DDX46: variants seen among roughly 807,000 people sequenced by gnomAD.
DDX46 encodes probable ATP-dependent RNA helicase DDX46.
DDX46 carries 30 observed loss-of-function variants against 134.9 expected under a neutral mutation model. That is an observed-to-expected ratio of 0.22 (90% confidence interval 0.17 to 0.30). The LOEUF is 0.30. Ranked by LOEUF, DDX46 falls within the 10% of genes least tolerant of loss-of-function variation. DDX46 has a pLI of 1.00. For missense variants in DDX46, 622 were observed against 1,248.7 expected, an observed-to-expected ratio of 0.50 and a Z score of 7.56; for synonymous variants, 415 against 404.1, an observed-to-expected ratio of 1.03 and a Z score of -0.32.
intron 15 of DDX46, among the ~76,000 whole-genome samples, chr5:134,798,134 G>C (rs1465063042): frequency 6.7e-6 from 1 of 150,212 alleles, no homozygotes; most frequent in Non-Finnish European, 1.5e-5. Flanking sequence ...TTTTGTGTGT[G>C]GTAAATACTC....
At chr5:134,797,188 A>AAAAAAAAAAAC (rs1561865691) in intron 15 of DDX46, 5 of 287,060 alleles carry the variant, frequency 1.7e-5, no homozygotes, top group East Asian at 1.2e-4. Context: ...AAAAAAAAAA[A>AAAAAAAAAAAC]AAAAAAAAAC....
At chr5:134,797,176 A>AAAAAAAAAAAAAAAAC in intron 15 of DDX46, 1 of 278,138 alleles carries the variant, frequency 3.6e-6, no homozygotes, top group East Asian at 1.2e-4. Flanking sequence ...TCAAAAAAAA[A>AAAAAAAAAAAAAAAAC]AAAAAAAAAA....
intron 3 of DDX46, 61 bp downstream of exon 3, chr5:134,767,121 CCTT>C: frequency 6.7e-7 from 1 of 1,493,812 alleles, no homozygotes; most frequent in Non-Finnish European, 8.9e-7. Context: ...CTTCTCTGCG[CCTT>C]TTTTTTTTTT....
rs1755297672 is a variant in DDX46, at chr5:134,816,765, G to T, written c.2613+159G>T. 8.1e-6 allele frequency: 6 copies of T among 738,472 alleles called. No homozygotes were observed. In the Admixed American group the frequency reaches 1.6e-4, roughly 19 times the overall value. The allele number at this position is 738,472 out of a possible 1,614,324, so 45.7% of individuals were successfully genotyped here. A position where few individuals can be genotyped will look rare whatever the true frequency, so the allele number is the denominator to read the frequency against. Reference sequence around the variant, plus strand: ...CAGAATTTTTTGATAATTGCATTTGGATGATTTCTCAGTGCTATTGACTGA... The same window carrying T: ...CAGAATTTTTTGATAATTGCATTTGTATGATTTCTCAGTGCTATTGACTGA... On this transcript the variant is annotated intron_variant, in intron 19 of 22. Transcript: ENST00000452510.
At chr5:134,797,323 C>T (rs1754696415) in intron 15 of DDX46, 1 of 206,682 alleles carries the variant, frequency 4.8e-6, no homozygotes, top group Admixed American at 5.7e-5. Context: ...GCTTATGAAT[C>T]TTCAATTTGC....
chr5:134,774,107 ACT>A (rs1208744137), intron 5 of DDX46, among the ~76,000 whole-genome samples: 2 of 151,844 alleles, frequency 1.3e-5, no homozygotes, highest in Non-Finnish European at 2.9e-5. Context: ...CTTTTAAATA[ACT>A]CTATGACGCC....
At chr5:134,818,818 C>A in intron 20 of DDX46, 42 bp from the exon 21 acceptor site, 1 of 1,560,400 alleles carries the variant, frequency 6.4e-7, no homozygotes, top group East Asian at 2.3e-5. Context: ...TTTTTTTGTC[C>A]TGTTATGAAG....
At position 134,818,847 on chromosome 5, in the gene DDX46, C is replaced by A. The variant is rs370801184; in HGVS notation, c.2833-13C>A. The A allele has an allele frequency of 6.9e-5, 111 of 1,598,634 alleles. No homozygotes were observed. Among genetic ancestry groups the A allele is most frequent in the Non-Finnish European group, 8.6e-5 (101 of 1,174,492 alleles). ...TATGAAGTGATTTTTCTTTTCCTTA[C>A]CTTTTCTTTTAGACTGCTAGGTGGA... On this transcript the variant is annotated splice_polypyrimidine_tract_variant and intron_variant, in intron 20 of 22. Coordinates refer to ENST00000452510, the MANE Select transcript of DDX46 (RefSeq NM_001300860.2).
At chr5:134,828,593 CGTTTTTTTTTTTT>C in intron 22 of DDX46, 53 bp from the exon 23 acceptor site, 3 of 880,434 alleles carry the variant, frequency 3.4e-6, no homozygotes, top group South Asian at 3.0e-5. Context: ...TTGGTTGGTT[CGTTTTTTTTTTTT>C]GTTTTTTTTG....
At chr5:134,774,360 C>T (rs933067364) in intron 5 of DDX46, among the ~76,000 whole-genome samples, 3 of 151,960 alleles carry the variant, frequency 2.0e-5, no homozygotes, top group Non-Finnish European at 4.4e-5. Context: ...ATTCACCTGC[C>T]ATTGGATAAT....
intron 9 of DDX46, among the ~76,000 whole-genome samples, chr5:134,783,639 T>C: frequency 7.5e-6 from 1 of 133,142 alleles, no homozygotes; most frequent in Non-Finnish European, 1.6e-5. Flanking sequence ...AACCTCCGCC[T>C]CTTGGGTTCA....
rs181699763 is a variant in DDX46, at chr5:134,795,204, G to T, written c.1791+190G>T. 7.6e-3 allele frequency among the ~76,000 whole-genome samples: 952 copies of T among 125,662 alleles called. 9 individuals are homozygous for T. Among genetic ancestry groups the T allele is most frequent in the East Asian group, 0.046 (182 of 3,942 alleles). 82.4% of individuals were successfully genotyped at this position (125,662 alleles called of 152,430 possible). On this transcript the variant is annotated intron_variant, in intron 14 of 22. Transcript: ENST00000452510. Reference sequence around the variant, plus strand: ...TTCCACGGAGCTATTTAAAATGCTTGTTTTTTTTTTTTTTTGTTTTTTTTT... The same window carrying T: ...TTCCACGGAGCTATTTAAAATGCTTTTTTTTTTTTTTTTTTGTTTTTTTTT...
At chr5:134,795,548 T>C (rs1339838951) in intron 14 of DDX46, among the ~76,000 whole-genome samples, 2 of 152,050 alleles carry the variant, frequency 1.3e-5, no homozygotes, top group African/African-American at 2.4e-5. Context: ...TGGTGAGTGG[T>C]GAATGGTGAG....
intron 3 of DDX46, 75 bp downstream of exon 3, chr5:134,767,135 C>G: frequency 6.9e-7 from 1 of 1,440,100 alleles, no homozygotes; most frequent in Non-Finnish European, 9.3e-7. Flanking sequence ...TTTTTTTTTT[C>G]CCTGTAAGTT....
rs184976178 is a variant in DDX46, at chr5:134,771,000, G to A, written c.447+1G>A. On this transcript the variant is annotated splice_donor_variant, in intron 4 of 22. Transcript: ENST00000452510. LOFTEE classifies it high-confidence loss of function. ...GGATGAAAAAGAAAAAGATGCTGGC[G>A]TATGTTTATTAACTTAAAAATAATT... 8.7e-7 allele frequency: 1 copy of A among 1,145,910 alleles called. No individual in the cohort carries two copies. The highest frequency in any genetic ancestry group is 1.3e-6 in the Non-Finnish European group (1 of 779,636). The allele number at this position is 1,145,910 out of a possible 1,614,324, so 71.0% of individuals were successfully genotyped here.
At chr5:134,764,211 C>A in intron 2 of DDX46, 119 bp downstream of exon 2, 1 of 888,146 alleles carries the variant, frequency 1.1e-6, no homozygotes, top group Non-Finnish European at 1.7e-6. Flanking sequence ...AGGCCCTTTT[C>A]TTTATCCCCT....
At chr5:134,822,149 G>A (rs1416897539) in intron 21 of DDX46, among the ~76,000 whole-genome samples, 1 of 152,158 alleles carries the variant, frequency 6.6e-6, no homozygotes, top group African/African-American at 2.4e-5. Flanking sequence ...AAAGTGCAGG[G>A]ATTACAGGCC....
intron 15 of DDX46, among the ~76,000 whole-genome samples, chr5:134,805,532 C>CTTT (rs554379717): frequency 4.4e-5 from 6 of 137,910 alleles, no homozygotes; most frequent in African/African-American, 1.6e-4. Flanking sequence ...CTTTTCTTTT[C>CTTT]TTTTTTTTTT....
intron 1 of DDX46, among the ~76,000 whole-genome samples, chr5:134,762,117 T>G (rs937944856): frequency 2.6e-5 from 4 of 151,828 alleles, no homozygotes; most frequent in Admixed American, 1.3e-4. Context: ...TAAAAAGAAA[T>G]AAATAGGTGG....
Sources: allele counts gnomAD v4.1 joint callset (sites outside exome capture counted in the v4.1 genomes callset), GRCh38; gene constraint gnomAD v4.1.1; transcripts MANE v1.5; gene names NCBI Gene and HGNC (gene_info 2026-07-23, HGNC 2026-07-21).